KYNU: variants seen among roughly 807,000 people sequenced by gnomAD.
The protein encoded by KYNU is kynureninase, also known as L-kynurenine hydrolase.
A neutral mutation model predicts 59.2 loss-of-function variants in KYNU; 54 were observed. The ratio of observed to expected loss-of-function variants is 0.91; its 90% CI spans 0.73 to 1.14. The LOEUF (loss-of-function observed/expected upper bound fraction) is 1.14. Ranked by LOEUF, KYNU falls within the 50% of genes most tolerant of loss-of-function variation. The pLI, the probability that KYNU is intolerant of heterozygous loss-of-function variation, is 0.00. For missense variants in KYNU, 567 were observed against 554.4 expected, an observed-to-expected ratio of 1.02 and a Z score of -0.23; for synonymous variants, 177 against 192.0, an observed-to-expected ratio of 0.92 and a Z score of 0.65.
intron 2 of KYNU, among the ~76,000 whole-genome samples, chr2:142,892,109 T>A (rs939908571): frequency 6.6e-5 from 10 of 152,328 alleles, no homozygotes; most frequent in Admixed American, 6.5e-4. Flanking sequence ...AGACAGGGTT[T>A]CACCATGTTG....
At chr2:142,994,108 C>T (rs1685474394) in intron 10 of KYNU, among the ~76,000 whole-genome samples, 1 of 151,768 alleles carries the variant, frequency 6.6e-6, no homozygotes, top group Admixed American at 6.6e-5. Flanking sequence ...TACTATTAAT[C>T]GTGAAGAGCT....
At chr2:142,953,380 G>A (rs351677) in intron 4 of KYNU, among the ~76,000 whole-genome samples, 4,140 of 152,228 alleles carry the variant, frequency 0.027, 183 homozygotes, top group Admixed American at 0.11. Flanking sequence ...AATCTTAAAG[G>A]CATTCCCAGA....
intron 1 of KYNU, among the ~76,000 whole-genome samples, chr2:142,883,540 A>C (rs1681382573): frequency 6.6e-6 from 1 of 151,712 alleles, no homozygotes; most frequent in South Asian, 2.1e-4. Flanking sequence ...TTTTTTGCAT[A>C]TCACAGTTTG....
At position 143,055,688 on chromosome 2, in the gene KYNU, G is replaced by GA. The variant is rs879328526; in HGVS notation, c.*13516_*13517insA. 1.1e-4 allele frequency: 15 copies of GA among 142,750 alleles called. No homozygotes were observed. The highest frequency in any genetic ancestry group is 2.1e-4 in the Admixed American group (3 of 14,076). The allele number at this position is 142,750 out of a possible 1,614,324, so 8.8% of individuals were successfully genotyped here. A position where few individuals can be genotyped will look rare whatever the true frequency, so the allele number is the denominator to read the frequency against. On this transcript the variant is annotated 3_prime_UTR_variant, in exon 14 of 14. Coordinates refer to ENST00000264170, the MANE Select transcript of KYNU (RefSeq NM_003937.3). Reference sequence around the variant, plus strand: ...GAAGGAAGGAAGGAAGGAAGGAAAGGGAGGAGAGGAGAGGAGAGGTAGGAG... The same window carrying GA: ...GAAGGAAGGAAGGAAGGAAGGAAAGGAGAGGAGAGGAGAGGAGAGGTAGGAG...
chr2:142,986,902 A>C (rs548072690), intron 10 of KYNU, among the ~76,000 whole-genome samples: 1 of 151,960 alleles, frequency 6.6e-6, no homozygotes, highest in South Asian at 2.1e-4. Context: ...AGCACCTCAC[A>C]TTTCTGAAGT....
intron 11 of KYNU, among the ~76,000 whole-genome samples, chr2:143,032,011 CTCA>C (rs1686760090): frequency 6.6e-6 from 1 of 152,068 alleles, no homozygotes; most frequent in African/African-American, 2.4e-5. Flanking sequence ...GGCGTGGTGG[CTCA>C]CGCCTGTAAT....
intron 2 of KYNU, among the ~76,000 whole-genome samples, chr2:142,917,226 A>G (rs532110003): frequency 6.6e-6 from 1 of 152,348 alleles, no homozygotes; most frequent in African/African-American, 2.4e-5. Context: ...TAAGCATTAA[A>G]TACTAAACAA....
At chr2:142,884,438 A>G (rs1238243489) in intron 1 of KYNU, among the ~76,000 whole-genome samples, 1 of 152,214 alleles carries the variant, frequency 6.6e-6, no homozygotes, top group Non-Finnish European at 1.5e-5. Context: ...ATGGAGAAAG[A>G]CAAGCTAAGT....
At chr2:142,951,405 A>T (rs968800271) in intron 4 of KYNU, among the ~76,000 whole-genome samples, 15 of 152,180 alleles carry the variant, frequency 9.9e-5, no homozygotes, top group African/African-American at 3.6e-4. Flanking sequence ...AATACAAAAA[A>T]TTAGCTGGAT....
chr2:143,017,916 A>C (rs193214477), intron 10 of KYNU, among the ~76,000 whole-genome samples: 1 of 151,480 alleles, frequency 6.6e-6, no homozygotes, highest in Admixed American at 6.6e-5. Context: ...AGTGGGCAAA[A>C]TATTTAGTTC....
chr2:142,903,345 G>T (rs1189536533), intron 2 of KYNU, among the ~76,000 whole-genome samples: 2 of 152,044 alleles, frequency 1.3e-5, no homozygotes, highest in African/African-American at 2.4e-5. Flanking sequence ...TCAAGCAGGG[G>T]ACAACAAACG....
rs1687196999 is a variant in KYNU, at chr2:143,048,057, C to G, written c.*5885C>G. 6.6e-6 allele frequency: 1 copy of G among 152,110 alleles called. No homozygotes were observed. The highest frequency in any genetic ancestry group is 6.6e-5 in the Admixed American group (1 of 15,240). The allele number at this position is 152,110 out of a possible 1,614,324, so 9.4% of individuals were successfully genotyped here. ...ACAGGATTTCACCATGTTGGCTAGG[C>G]TGGTATCAAACTCCTGACTTCAGGT... On this transcript the variant is annotated 3_prime_UTR_variant, in exon 14 of 14. Transcript: ENST00000264170.
intron 10 of KYNU, among the ~76,000 whole-genome samples, chr2:142,994,792 A>G (rs1685498297): frequency 6.6e-6 from 1 of 152,112 alleles, no homozygotes; most frequent in African/African-American, 2.4e-5. Context: ...GTTGTTGAAT[A>G]TATGGCTCTG....
At chr2:142,994,427 G>A (rs1477833857) in intron 10 of KYNU, among the ~76,000 whole-genome samples, 1 of 152,020 alleles carries the variant, frequency 6.6e-6, no homozygotes, top group Non-Finnish European at 1.5e-5. Context: ...GATTGGGTGG[G>A]AATTATTCTT....
rs184891617 is a variant in KYNU at position 142,962,217 on chromosome 2, A to T, written c.729+1447A>T. On this transcript the variant is annotated intron_variant, in intron 8 of 13. Transcript: ENST00000264170. ...ACCTTCCTAGACATGAGACAGCAAG[A>T]TACAGAAGAAAGACCATGGGTTTCC... Among the ~76,000 whole-genome samples, 4 of 152,360 alleles carry T rather than the reference A, an allele frequency of 2.6e-5. No homozygotes were observed. The East Asian group carries it at 7.7e-4, about 29-fold the overall frequency.
chr2:143,024,980 T>C (rs1343615743), intron 10 of KYNU, among the ~76,000 whole-genome samples: 1 of 152,142 alleles, frequency 6.6e-6, no homozygotes, highest in African/African-American at 2.4e-5. Context: ...TGTCCCTTGC[T>C]AGTTTTTCCA....
chr2:142,930,257 T>C (rs937372615), intron 4 of KYNU, among the ~76,000 whole-genome samples: 1 of 152,098 alleles, frequency 6.6e-6, no homozygotes, highest in Admixed American at 6.5e-5. Flanking sequence ...CTCCAGAAGG[T>C]AGTGATGAAA....
intron 4 of KYNU, among the ~76,000 whole-genome samples, chr2:142,928,428 G>A (rs1329583610): frequency 6.6e-6 from 1 of 152,062 alleles, no homozygotes; most frequent in Non-Finnish European, 1.5e-5. Flanking sequence ...ACTATTTTAA[G>A]GACTTAGGGA....
intron 4 of KYNU, among the ~76,000 whole-genome samples, chr2:142,940,852 G>C (rs1056284621): frequency 1.3e-5 from 2 of 152,146 alleles, no homozygotes; most frequent in African/African-American, 2.4e-5. Context: ...CCCTTTGCAG[G>C]CTCCATAATT....
Sources: allele counts gnomAD v4.1 joint callset (sites outside exome capture counted in the v4.1 genomes callset), GRCh38; gene constraint gnomAD v4.1.1; transcripts MANE v1.5; gene names NCBI Gene and HGNC (gene_info 2026-07-23, HGNC 2026-07-21).